CDK19: variants seen among roughly 807,000 people sequenced by gnomAD.
The protein encoded by CDK19 is cyclin-dependent kinase 19.
In CDK19, 20 loss-of-function variants were observed where a neutral mutation model predicts 68.3. That is an observed-to-expected ratio of 0.29 (90% CI 0.21 to 0.43). CDK19 has a LOEUF of 0.43. Among genes scored for constraint, CDK19 ranks in the 20% least tolerant of loss-of-function variants. CDK19 has a pLI of 1.00. For synonymous variants in CDK19, 221 were observed against 222.8 expected (o/e 0.99, Z 0.07); for missense variants, 339 against 623.5 (o/e 0.54, Z 4.86).
At chr6:110,814,455 C>A in intron 1 of CDK19, 1 of 363,338 alleles carries the variant, frequency 2.8e-6, no homozygotes. Flanking sequence ...GGCCGGCCAG[C>A]CCGAAGGGCG....
At chr6:110,670,315 GA>G in intron 3 of CDK19, 115 bp downstream of exon 3, 1 of 523,796 alleles carries the variant, frequency 1.9e-6, no homozygotes, top group Non-Finnish European at 3.4e-6. Context: ...TATTGACTTT[GA>G]AATATGGCTA....
intron 4 of CDK19, among the ~76,000 whole-genome samples, chr6:110,664,068 C>T (rs192469225): frequency 1.3e-5 from 2 of 152,174 alleles, no homozygotes; most frequent in East Asian, 3.9e-4. Flanking sequence ...ACAAAAAGAC[C>T]CCAAAAACTC....
At chr6:110,658,581 T>G (rs1224278427) in intron 4 of CDK19, among the ~76,000 whole-genome samples, 1 of 152,220 alleles carries the variant, frequency 6.6e-6, no homozygotes, top group East Asian at 1.9e-4. Context: ...AAAAGTACAT[T>G]TGAAGCAGTT....
chr6:110,739,799 T>TATC (rs764319477), intron 2 of CDK19, among the ~76,000 whole-genome samples: 4 of 149,060 alleles, frequency 2.7e-5, no homozygotes, highest in Non-Finnish European at 5.9e-5. Flanking sequence ...CCCAGCTAAT[T>TATC]ATTATTATTA....
intron 2 of CDK19, among the ~76,000 whole-genome samples, chr6:110,716,716 CAAAG>C (rs1460253729): frequency 6.6e-6 from 1 of 151,856 alleles, no homozygotes; most frequent in East Asian, 1.9e-4. Context: ...ATATAGAGAA[CAAAG>C]AGAGAGAAAG....
Position 110,621,022 on chromosome 6 carries a change from T to A in CDK19, c.1377+82A>T. The A allele has an allele frequency of 7.6e-7, 1 of 1,316,234 alleles. No individual in the cohort carries two copies. The highest frequency in any genetic ancestry group is 1.4e-5 in the South Asian group (1 of 71,240). The allele number at this position is 1,316,234 out of a possible 1,614,324, so 81.5% of individuals were successfully genotyped here. ...TGCACAGTCAAATGTAAGAGTTAAGTGTTACTTAACTCTAAAAGGATCTAG... is the reference window on the plus strand; with the variant it reads ...TGCACAGTCAAATGTAAGAGTTAAGAGTTACTTAACTCTAAAAGGATCTAG... On this transcript the variant is annotated intron_variant, in intron 12 of 12. Coordinates refer to ENST00000368911, the MANE Select transcript of CDK19 (RefSeq NM_015076.5). This position sits in a 1 kb window ranked among gnomAD's most constrained non-coding sequence, Gnocchi z 5.4.
At chr6:110,735,467 T>C (rs528791917) in intron 2 of CDK19, among the ~76,000 whole-genome samples, 45 of 152,284 alleles carry the variant, frequency 3.0e-4, no homozygotes, top group African/African-American at 1.1e-3. Flanking sequence ...AAGGATTCAA[T>C]AGTGAATATA....
At chr6:110,766,747 C>T (rs951169184) in intron 1 of CDK19, among the ~76,000 whole-genome samples, 2 of 152,134 alleles carry the variant, frequency 1.3e-5, no homozygotes, top group African/African-American at 4.8e-5. Context: ...TGCCTGTAAT[C>T]GCAGCACTTT....
At chr6:110,630,778 C>A (rs1044893051) in intron 6 of CDK19, among the ~76,000 whole-genome samples, 1 of 152,234 alleles carries the variant, frequency 6.6e-6, no homozygotes, top group South Asian at 2.1e-4. Context: ...CCAGTTTACT[C>A]AGAGGCTTTT....
At chr6:110,697,494 C>T (rs1057167570) in intron 2 of CDK19, among the ~76,000 whole-genome samples, 1 of 152,060 alleles carries the variant, frequency 6.6e-6, no homozygotes, top group Non-Finnish European at 1.5e-5. Context: ...CAAAACACTG[C>T]TGAAAGAAGT....
At chr6:110,690,644 C>T (rs1358870361) in intron 2 of CDK19, among the ~76,000 whole-genome samples, 1 of 152,170 alleles carries the variant, frequency 6.6e-6, no homozygotes, top group African/African-American at 2.4e-5. Context: ...ATAAGATAAG[C>T]TTCAAGAGAC....
chr6:110,702,682 T>A (rs1458264249), intron 2 of CDK19, among the ~76,000 whole-genome samples: 3 of 151,894 alleles, frequency 2.0e-5, no homozygotes, highest in Non-Finnish European at 4.4e-5. Flanking sequence ...AAAAATAAGA[T>A]CTGTATTGTC....
chr6:110,738,209 A>T (rs1777391716), intron 2 of CDK19, among the ~76,000 whole-genome samples: 1 of 152,130 alleles, frequency 6.6e-6, no homozygotes, highest in South Asian at 2.1e-4. Flanking sequence ...ACTTGCACTC[A>T]GTGTAAAACA....
intron 2 of CDK19, among the ~76,000 whole-genome samples, chr6:110,686,367 G>A (rs371886037): frequency 5.3e-5 from 8 of 152,304 alleles, no homozygotes; most frequent in South Asian, 4.1e-4. Flanking sequence ...ATGAGTGCTG[G>A]CAGTTATTTT....
intron 2 of CDK19, among the ~76,000 whole-genome samples, chr6:110,712,313 C>A (rs1342712342): frequency 1.3e-5 from 2 of 152,214 alleles, no homozygotes; most frequent in Non-Finnish European, 2.9e-5. Context: ...CAAAGCAGAG[C>A]TTCTTTTCGC....
chr6:110,657,709 T>C (rs1019614098), intron 4 of CDK19, among the ~76,000 whole-genome samples: 7 of 152,192 alleles, frequency 4.6e-5, no homozygotes, highest in African/African-American at 7.2e-5. Context: ...GTTTGGTAAA[T>C]AGTCTTCTTA....
At chr6:110,802,252 T>G (rs1038742486) in intron 1 of CDK19, among the ~76,000 whole-genome samples, 1 of 152,206 alleles carries the variant, frequency 6.6e-6, no homozygotes, top group Non-Finnish European at 1.5e-5. Context: ...CATAACACTA[T>G]TCACAATACA....
chr6:110,655,610 C>T (rs973597670), intron 4 of CDK19, among the ~76,000 whole-genome samples: 6 of 152,100 alleles, frequency 3.9e-5, no homozygotes, highest in Non-Finnish European at 7.4e-5. Flanking sequence ...CTTGCATTGA[C>T]GCTCTCTTTT....
intron 9 of CDK19, 143 bp downstream of exon 9, chr6:110,623,147 G>T: frequency 1.4e-6 from 1 of 696,106 alleles, no homozygotes; most frequent in African/African-American, 1.8e-5. Context: ...GAAAGACAGG[G>T]TGACATCTCA....
Sources: gnomAD v4.1 joint callset for allele counts (sites outside exome capture counted in the v4.1 genomes callset) on GRCh38, gnomAD v4.1.1 for gene constraint, Gnocchi (gnomAD v3.1) non-coding constraint, MANE v1.5 for transcripts, NCBI Gene and HGNC (gene_info 2026-07-23, HGNC 2026-07-21) for gene names.